Variants in NSUN3 observed in about 807,000 individuals in gnomAD.
The protein encoded by NSUN3 is tRNA (cytosine(34)-C(5))-methyltransferase, mitochondrial.
A neutral mutation model predicts 36.8 loss-of-function variants in NSUN3; 24 were observed. That is an observed-to-expected ratio of 0.65 (90% confidence interval 0.47 to 0.92). The LOEUF is 0.92. Among genes scored for constraint, NSUN3 ranks in the 40% least tolerant of loss-of-function variants. The pLI is 0.00. For synonymous variants in NSUN3, 146 were observed against 145.2 expected (o/e 1.01, Z -0.04); for missense variants, 381 against 392.8 (o/e 0.97, Z 0.25).
chr3:94,119,856 A>C (rs2077454347), intron 5 of NSUN3, among the ~76,000 whole-genome samples: 1 of 152,274 alleles, frequency 6.6e-6, no homozygotes, highest in Non-Finnish European at 1.5e-5. Flanking sequence ...TGGTTTTGAG[A>C]TTAACCCAAT....
chr3:94,098,664 C>G (rs2077352952), intron 5 of NSUN3, among the ~76,000 whole-genome samples: 1 of 152,128 alleles, frequency 6.6e-6, no homozygotes, highest in African/African-American at 2.4e-5. Flanking sequence ...TTGTTGCAAC[C>G]ATGCAGTTTC....
chr3:94,073,711 T>C (rs2077235257), intron 2 of NSUN3, among the ~76,000 whole-genome samples: 1 of 152,136 alleles, frequency 6.6e-6, no homozygotes, highest in Non-Finnish European at 1.5e-5. Flanking sequence ...CCTTTGTCAG[T>C]TGGATAGATT....
chr3:94,076,574 A>G (rs528208072), intron 2 of NSUN3: 150 of 843,934 alleles, frequency 1.8e-4, no homozygotes, highest in Admixed American at 4.6e-4. Context: ...CCACGGGTAG[A>G]TGGTGTGATC....
intron 3 of NSUN3, among the ~76,000 whole-genome samples, chr3:94,088,872 T>C (rs1047986655): frequency 6.6e-6 from 1 of 152,088 alleles, no homozygotes; most frequent in Admixed American, 6.5e-5. Flanking sequence ...TTTCACCACG[T>C]TGGCCAGGCT....
chr3:94,077,140 A>C (rs2077249723), intron 2 of NSUN3: 1 of 741,642 alleles, frequency 1.3e-6, no homozygotes, highest in Non-Finnish European at 2.5e-6. Flanking sequence ...TCATTCTTCC[A>C]CTGCGTCATC....
At chr3:94,077,927 G>A (rs975506046) in intron 2 of NSUN3, among the ~76,000 whole-genome samples, 1 of 152,124 alleles carries the variant, frequency 6.6e-6, no homozygotes, top group African/African-American at 2.4e-5. Flanking sequence ...GGATTTTCAT[G>A]TCTCTATCAC....
intron 5 of NSUN3, among the ~76,000 whole-genome samples, chr3:94,124,143 T>C (rs553765419): frequency 6.9e-6 from 1 of 144,552 alleles, no homozygotes; most frequent in East Asian, 2.1e-4. Context: ...TTTATTATTT[T>C]ATTTCTTTTT....
chr3:94,110,775 T>C (rs1389137498), intron 5 of NSUN3, among the ~76,000 whole-genome samples: 1 of 151,794 alleles, frequency 6.6e-6, no homozygotes, highest in Admixed American at 6.6e-5. Flanking sequence ...CACGCATATA[T>C]ATATACACAC....
intron 5 of NSUN3, among the ~76,000 whole-genome samples, chr3:94,099,368 G>C (rs1285145532): frequency 1.3e-5 from 2 of 152,072 alleles, no homozygotes; most frequent in African/African-American, 4.8e-5. Flanking sequence ...TTCTGTAGTG[G>C]CCACTCCTCT....
At chr3:94,116,230 A>G (rs1040389593) in intron 5 of NSUN3, among the ~76,000 whole-genome samples, 5 of 152,192 alleles carry the variant, frequency 3.3e-5, no homozygotes, top group African/African-American at 1.2e-4. Context: ...GTTTTAAGCC[A>G]GTTTCTTAAA....
chr3:94,086,958 G>A (rs1403792721), intron 3 of NSUN3, among the ~76,000 whole-genome samples: 1 of 152,152 alleles, frequency 6.6e-6, no homozygotes, highest in Non-Finnish European at 1.5e-5. Context: ...TGAAGAGAGG[G>A]CATTTTAATT....
chr3:94,128,751 C>T lies in NSUN3; in HGVS notation c.*2261C>T, dbSNP rs2077498352. Among the ~76,000 whole-genome samples the T allele has an allele frequency of 6.6e-6, 1 of 151,792 alleles. No homozygotes were observed. The highest frequency in any genetic ancestry group is 2.4e-5 in the African/African-American group (1 of 41,296). On this transcript the variant is annotated 3_prime_UTR_variant, in exon 6 of 6. Transcript: ENST00000314622. ...AAATATTTGCAAATTATGCATCTGC[C>T]AAAGGTCTAATATCCAGAATCTATA...
At chr3:94,119,542 C>T (rs114529264) in intron 5 of NSUN3, among the ~76,000 whole-genome samples, 18 of 152,158 alleles carry the variant, frequency 1.2e-4, no homozygotes, top group Non-Finnish European at 2.4e-4. Flanking sequence ...TCACCCACCA[C>T]TCAACTCCTG....
At chr3:94,091,826 G>GT (rs959210229) in intron 3 of NSUN3, among the ~76,000 whole-genome samples, 2 of 152,198 alleles carry the variant, frequency 1.3e-5, no homozygotes, top group African/African-American at 4.8e-5. Context: ...GACTTTGGGG[G>GT]TTATCTTGTG....
rs2077499610 is a variant in NSUN3 at position 94,129,092 on chromosome 3, A to G, written c.*2602A>G. On this transcript the variant is annotated 3_prime_UTR_variant, in exon 6 of 6. Coordinates refer to ENST00000314622, the MANE Select transcript of NSUN3 (RefSeq NM_022072.5). ...TCAGCCTCTATGGAAAGCAGTTTGG[A>G]GATTTCTCAAAGAACTTTATAACAG... Among the ~76,000 whole-genome samples the G allele has an allele frequency of 6.6e-6, 1 of 152,188 alleles. No homozygotes were observed.
At chr3:94,120,210 T>G (rs1009334243) in intron 5 of NSUN3, among the ~76,000 whole-genome samples, 9 of 152,242 alleles carry the variant, frequency 5.9e-5, no homozygotes, top group Non-Finnish European at 1.2e-4. Flanking sequence ...AATTCAAATA[T>G]TGCCTATATC....
At chr3:94,075,614 G>A (rs1298236153) in intron 2 of NSUN3, among the ~76,000 whole-genome samples, 4 of 151,932 alleles carry the variant, frequency 2.6e-5, no homozygotes, top group Non-Finnish European at 5.9e-5. Flanking sequence ...TATAGCATAA[G>A]AAGAAAAATA....
rs1221232599 is a variant in NSUN3 at position 94,072,425 on chromosome 3, T to C, written c.122+7879T>C. 2.0e-5 allele frequency among the ~76,000 whole-genome samples: 3 copies of C among 152,204 alleles called. No individual in the cohort carries two copies. In the East Asian group the frequency reaches 5.8e-4, roughly 29 times the overall value. On this transcript the variant is annotated intron_variant, in intron 2 of 5. Transcript: ENST00000314622. ...TCTCAAGGTTGTTGTGATGGTTCTATGATATAAACATGCAAAATGAACATT... is the reference window on the plus strand; with the variant it reads ...TCTCAAGGTTGTTGTGATGGTTCTACGATATAAACATGCAAAATGAACATT...
chr3:94,095,654 A>C (rs762588132), intron 5 of NSUN3, among the ~76,000 whole-genome samples: 1 of 152,176 alleles, frequency 6.6e-6, no homozygotes, highest in Non-Finnish European at 1.5e-5. Context: ...AGCCATTTTG[A>C]AACATTATTG....
Sources: allele counts gnomAD v4.1 joint callset (sites outside exome capture counted in the v4.1 genomes callset), GRCh38; gene constraint gnomAD v4.1.1; transcripts MANE v1.5; gene names NCBI Gene and HGNC (gene_info 2026-07-23, HGNC 2026-07-21).